ANO10: variants seen among roughly 807,000 people sequenced by gnomAD.
ANO10 encodes anoctamin-10.
ANO10 carries 77 observed loss-of-function variants against 74.7 expected under a neutral mutation model. The ratio of observed to expected loss-of-function variants is 1.03; its 90% CI spans 0.86 to 1.25. The LOEUF is 1.25. Among genes scored for constraint, ANO10 ranks in the 50% most tolerant of loss-of-function variants. ANO10 has a pLI of 0.00. For missense variants in ANO10, 721 were observed against 778.1 expected (o/e 0.93, Z 0.87); for synonymous variants, 279 against 284.9 (o/e 0.98, Z 0.21).
Position 43,545,412 on chromosome 3 carries a change from C to T in ANO10, c.1797+4308G>A, listed in dbSNP as rs1241534503. ...TTTTTTAGACAGAGTCTCTCTCTGT[C>T]GCCCAGGCTGGAGCGCAGTGGCGCA... On this transcript the variant is annotated intron_variant, in intron 11 of 12. Coordinates refer to ENST00000292246, the MANE Select transcript of ANO10 (RefSeq NM_018075.5). 3.3e-5 allele frequency among the ~76,000 whole-genome samples: 5 copies of T among 151,788 alleles called. No individual in the cohort carries two copies. The East Asian group carries it at 9.7e-4, about 29-fold the overall frequency.
intron 5 of ANO10, among the ~76,000 whole-genome samples, chr3:43,578,112 A>G (rs1438973628): frequency 1.3e-5 from 2 of 152,206 alleles, no homozygotes; most frequent in Admixed American, 6.5e-5. Flanking sequence ...TTTTCTTAAG[A>G]TAATTTGAGC....
intron 2 of ANO10, among the ~76,000 whole-genome samples, chr3:43,601,363 A>G (rs1294370702): frequency 2.0e-5 from 3 of 152,050 alleles, no homozygotes; most frequent in Non-Finnish European, 4.4e-5. Flanking sequence ...GTGCCACTAC[A>G]CCAAGCTATT....
At chr3:43,415,793 C>T (rs938674363) in intron 12 of ANO10, among the ~76,000 whole-genome samples, 14 of 152,176 alleles carry the variant, frequency 9.2e-5, no homozygotes, top group African/African-American at 2.6e-4. Flanking sequence ...CCACCCGCCT[C>T]GGCCTCCCAA....
chr3:43,429,426 G>A (rs979247102), intron 12 of ANO10, among the ~76,000 whole-genome samples: 3 of 151,896 alleles, frequency 2.0e-5, no homozygotes, highest in Admixed American at 2.0e-4. Context: ...GATATACCAC[G>A]AAATCCTGAG....
At chr3:43,419,765 C>T (rs761976039) in intron 12 of ANO10, among the ~76,000 whole-genome samples, 12 of 152,130 alleles carry the variant, frequency 7.9e-5, no homozygotes, top group Non-Finnish European at 8.8e-5. Context: ...ATCCACCCAC[C>T]TCGGCCTCCC....
At chr3:43,531,437 T>C (rs1288646768) in intron 11 of ANO10, among the ~76,000 whole-genome samples, 2 of 152,246 alleles carry the variant, frequency 1.3e-5, no homozygotes, top group South Asian at 4.1e-4. Context: ...CTCTATCTTC[T>C]AATGTCTATG....
At chr3:43,688,296 G>A (rs2084300599) in intron 1 of ANO10, among the ~76,000 whole-genome samples, 3 of 152,122 alleles carry the variant, frequency 2.0e-5, no homozygotes. Flanking sequence ...CAGTACCACT[G>A]GGCTTGCACT....
rs536377204 is a variant in ANO10 at position 43,519,970 on chromosome 3, C to T, written c.1797+29750G>A. Among the ~76,000 whole-genome samples, 35 of 152,096 alleles carry T rather than the reference C, an allele frequency of 2.3e-4. 1 individual carries two copies. The highest frequency in any genetic ancestry group is 3.5e-4 in the Non-Finnish European group (24 of 68,006). On this transcript the variant is annotated intron_variant, in intron 11 of 12. Coordinates refer to ENST00000292246, the MANE Select transcript of ANO10 (RefSeq NM_018075.5). Reference sequence around the variant, plus strand: ...AGAGGTCCACAGGAATAACCAATGGCAACCTCCTTGTAGCAGAGATGGCTA... The same window carrying T: ...AGAGGTCCACAGGAATAACCAATGGTAACCTCCTTGTAGCAGAGATGGCTA...
chr3:43,525,106 C>A (rs970765481), intron 11 of ANO10, among the ~76,000 whole-genome samples: 5 of 152,226 alleles, frequency 3.3e-5, no homozygotes, highest in African/African-American at 1.2e-4. Flanking sequence ...ACTCTTACCC[C>A]CCACCGACCA....
intron 8 of ANO10, among the ~76,000 whole-genome samples, chr3:43,562,679 TAA>T (rs879371142): frequency 4.3e-5 from 6 of 139,762 alleles, no homozygotes; most frequent in Non-Finnish European, 1.6e-5. Flanking sequence ...AGACTCCATC[TAA>T]AAAAAAAAAA....
At chr3:43,512,449 G>T (rs1164642326) in intron 11 of ANO10, among the ~76,000 whole-genome samples, 3 of 152,168 alleles carry the variant, frequency 2.0e-5, no homozygotes, top group African/African-American at 7.2e-5. Context: ...CTATTATTAG[G>T]CATTATTTTG....
intron 12 of ANO10, among the ~76,000 whole-genome samples, chr3:43,384,579 A>T (rs2092063531): frequency 6.6e-6 from 1 of 152,258 alleles, no homozygotes; most frequent in Non-Finnish European, 1.5e-5. Flanking sequence ...ACAAGCATAT[A>T]GACCAATCAA....
At chr3:43,390,812 G>A (rs1322668558) in intron 12 of ANO10, among the ~76,000 whole-genome samples, 1 of 152,246 alleles carries the variant, frequency 6.6e-6, no homozygotes, top group Non-Finnish European at 1.5e-5. Context: ...TTTATGAGTA[G>A]AATGAGTGTA....
At chr3:43,425,457 A>G (rs2092885654) in intron 12 of ANO10, among the ~76,000 whole-genome samples, 1 of 152,104 alleles carries the variant, frequency 6.6e-6, no homozygotes, top group Non-Finnish European at 1.5e-5. Flanking sequence ...ATACTTAAAT[A>G]TAAACCAAAA....
intron 12 of ANO10, among the ~76,000 whole-genome samples, chr3:43,385,545 T>C (rs1160463471): frequency 1.3e-5 from 2 of 152,140 alleles, no homozygotes; most frequent in East Asian, 1.9e-4. Flanking sequence ...AAAGAAAATG[T>C]GGTGTATATA....
chr3:43,586,990 C>T (rs1453959114), intron 4 of ANO10, among the ~76,000 whole-genome samples: 1 of 152,092 alleles, frequency 6.6e-6, no homozygotes, highest in Non-Finnish European at 1.5e-5. Flanking sequence ...TGGCACCCCT[C>T]AAGATGAGAA....
chr3:43,602,026 CT>C (rs749115923), intron 2 of ANO10, among the ~76,000 whole-genome samples: 10 of 152,208 alleles, frequency 6.6e-5, no homozygotes, highest in Non-Finnish European at 1.0e-4. Flanking sequence ...GTTAAGTTTC[CT>C]TTAAAGGGCA....
intron 10 of ANO10, 31 bp downstream of exon 10, chr3:43,555,247 T>TA (rs1334073145): frequency 6.2e-7 from 1 of 1,605,470 alleles, no homozygotes; most frequent in African/African-American, 1.3e-5. Flanking sequence ...TTTTATTTTT[T>TA]AAAGGAATAA....
chr3:43,672,376 A>G (rs1375058349), intron 1 of ANO10, among the ~76,000 whole-genome samples: 1 of 152,050 alleles, frequency 6.6e-6, no homozygotes, highest in Admixed American at 6.6e-5. Context: ...ATTAAAAGAA[A>G]TAAGTAAATT....
Sources: allele counts gnomAD v4.1 joint callset (sites outside exome capture counted in the v4.1 genomes callset), GRCh38; gene constraint gnomAD v4.1.1; transcripts MANE v1.5; gene names NCBI Gene and HGNC (gene_info 2026-07-23, HGNC 2026-07-21).